PEAK1: variants seen among roughly 807,000 people sequenced by gnomAD.
PEAK1 encodes the protein inactive tyrosine-protein kinase PEAK1.
In PEAK1, 54 loss-of-function variants were observed where a neutral mutation model predicts 124.7. The observed-to-expected ratio is 0.43, with a 90% CI of 0.35 to 0.54. The LOEUF is 0.54. Ranked by LOEUF, PEAK1 falls within the 20% of genes least tolerant of loss-of-function variation. The pLI, the probability that PEAK1 is intolerant of heterozygous loss-of-function variation, is 0.01. For synonymous variants in PEAK1, 719 were observed against 760.0 expected, an observed-to-expected ratio of 0.95 and a Z score of 0.89; for missense variants, 2,046 against 2,134.5, an observed-to-expected ratio of 0.96 and a Z score of 0.82.
In PEAK1 at chr15:77,356,228, A is replaced by G. The variant is rs79578282; in HGVS notation, c.-603+8935T>C. Among the ~76,000 whole-genome samples, 1,115 of 152,310 alleles carry G rather than the reference A, an allele frequency of 7.3e-3. 15 individuals are homozygous for G. The highest frequency in any genetic ancestry group is 0.025 in the African/African-American group (1,059 of 41,564). ...TGCATTCATCAAATCTCACTCAACT[A>G]TATATTTAAGAGCTGAGTATTTTAT... On this transcript the variant is annotated intron_variant, in intron 2 of 9. Transcript: ENST00000682557.
At chr15:77,265,319 AC>A (rs918626396) in intron 5 of PEAK1, among the ~76,000 whole-genome samples, 4 of 152,178 alleles carry the variant, frequency 2.6e-5, no homozygotes, top group Admixed American at 6.5e-5. Flanking sequence ...TGAATAGACA[AC>A]CCACAAAATG....
intron 2 of PEAK1, among the ~76,000 whole-genome samples, chr15:77,360,993 C>T (rs925816152): frequency 3.3e-5 from 5 of 151,854 alleles, no homozygotes; most frequent in Non-Finnish European, 5.9e-5. Flanking sequence ...ACCTGAAAAG[C>T]GCAGGCAACT....
At chr15:77,161,736 G>A (rs1389423960) in intron 7 of PEAK1, among the ~76,000 whole-genome samples, 1 of 152,134 alleles carries the variant, frequency 6.6e-6, no homozygotes, top group Non-Finnish European at 1.5e-5. Flanking sequence ...ACTTTGGGAG[G>A]CCAAGTGGAT....
At chr15:77,167,379 T>C (rs556998485) in intron 7 of PEAK1, among the ~76,000 whole-genome samples, 2 of 152,330 alleles carry the variant, frequency 1.3e-5, no homozygotes, top group East Asian at 3.9e-4. Flanking sequence ...TTCTGGTACA[T>C]ATAAACATAA....
intron 2 of PEAK1, among the ~76,000 whole-genome samples, chr15:77,358,344 T>A (rs962230670): frequency 8.5e-5 from 13 of 152,322 alleles, no homozygotes; most frequent in African/African-American, 3.1e-4. Flanking sequence ...GTCTATACTC[T>A]TTGATAGTCT....
chr15:77,405,574 C>T (rs1027118806), intron 1 of PEAK1, among the ~76,000 whole-genome samples: 16 of 152,108 alleles, frequency 1.1e-4, no homozygotes, highest in Non-Finnish European at 1.9e-4. Context: ...AGAGGGAAAT[C>T]GTTGCATATA....
intron 1 of PEAK1, among the ~76,000 whole-genome samples, chr15:77,415,770 G>A (rs1250272286): frequency 6.6e-6 from 1 of 151,982 alleles, no homozygotes; most frequent in African/African-American, 2.4e-5. Flanking sequence ...CTACGCCCTG[G>A]ATCCCATTCC....
At chr15:77,120,093 T>A (rs2051771152) in intron 9 of PEAK1, among the ~76,000 whole-genome samples, 1 of 152,182 alleles carries the variant, frequency 6.6e-6, no homozygotes, top group Non-Finnish European at 1.5e-5. Context: ...ACTATGGAAT[T>A]AATCTGTCGT....
chr15:77,418,599 T>G, intron 1 of PEAK1: 1 of 984,992 alleles, frequency 1.0e-6, no homozygotes, highest in Non-Finnish European at 1.2e-6. Context: ...ACTAAATAAG[T>G]CACCAAAGAG....
intron 6 of PEAK1, among the ~76,000 whole-genome samples, chr15:77,249,799 C>T (rs969329627): frequency 5.3e-5 from 8 of 152,026 alleles, no homozygotes; most frequent in African/African-American, 1.9e-4. Flanking sequence ...GCTGGAATTA[C>T]AGGTGTGAGC....
chr15:77,113,941 T>G lies in PEAK1; in HGVS notation c.*215A>C, dbSNP rs1470868358. The G allele has an allele frequency of 3.6e-6, 2 of 561,944 alleles. No homozygotes were observed. The highest frequency in any genetic ancestry group is 6.3e-6 in the Non-Finnish European group (2 of 319,916). 34.8% of individuals were successfully genotyped at this position (561,944 alleles called of 1,614,324 possible). A position where few individuals can be genotyped will look rare whatever the true frequency, so the allele number is the denominator to read the frequency against. ...TTTCAAGGGAAGGCAACTGCAAGTT[T>G]GTGCAGCTGAATTTCTGTAAAGTTA... On this transcript the variant is annotated 3_prime_UTR_variant, in exon 10 of 10. Coordinates refer to ENST00000682557, the MANE Select transcript of PEAK1 (RefSeq NM_001385026.1).
chr15:77,282,384 T>G (rs546250265), intron 5 of PEAK1, among the ~76,000 whole-genome samples: 1 of 152,200 alleles, frequency 6.6e-6, no homozygotes, highest in African/African-American at 2.4e-5. Context: ...GCTAACGAAT[T>G]TGTCAACATG....
At chr15:77,418,307 G>A (rs2073055868) in intron 1 of PEAK1, 2 of 985,188 alleles carry the variant, frequency 2.0e-6, no homozygotes, top group Admixed American at 6.2e-5. Context: ...GGAAAAGAAG[G>A]AACATACATT....
chr15:77,284,883 T>G (rs2062840754), intron 4 of PEAK1, 75 bp downstream of exon 4: 1 of 134,944 alleles, frequency 7.4e-6, no homozygotes. Flanking sequence ...CCCCATCTTC[T>G]CTACTAAAAC....
intron 1 of PEAK1, among the ~76,000 whole-genome samples, chr15:77,409,360 G>C (rs11856777): frequency 6.6e-6 from 1 of 152,144 alleles, no homozygotes; most frequent in Non-Finnish European, 1.5e-5. Context: ...CTCTGAGGTT[G>C]ATGCTATCAC....
At chr15:77,358,699 A>G (rs965982391) in intron 2 of PEAK1, among the ~76,000 whole-genome samples, 8 of 152,254 alleles carry the variant, frequency 5.3e-5, no homozygotes, top group Non-Finnish European at 1.0e-4. Flanking sequence ...ATAGTGAAAA[A>G]GTACAAAGTG....
At chr15:77,411,197 C>T (rs1474560578) in intron 1 of PEAK1, among the ~76,000 whole-genome samples, 1 of 150,758 alleles carries the variant, frequency 6.6e-6, no homozygotes, top group South Asian at 2.1e-4. Flanking sequence ...GTAAGGCCAA[C>T]CCTGCTTGAT....
intron 6 of PEAK1, among the ~76,000 whole-genome samples, chr15:77,206,426 A>G (rs1357828694): frequency 6.2e-4 from 91 of 146,006 alleles, no homozygotes; most frequent in Non-Finnish European, 8.1e-4. Context: ...TGGTTGAACT[A>G]GTTTACAGTC....
chr15:77,135,426 G>A (rs1246249566), intron 8 of PEAK1, among the ~76,000 whole-genome samples: 1 of 152,178 alleles, frequency 6.6e-6, no homozygotes, highest in Non-Finnish European at 1.5e-5. Flanking sequence ...AAATCATAGA[G>A]TGTACTTACA....
Sources: gnomAD v4.1 joint callset for allele counts (sites outside exome capture counted in the v4.1 genomes callset) on GRCh38, gnomAD v4.1.1 for gene constraint, MANE v1.5 for transcripts, NCBI Gene and HGNC (gene_info 2026-07-23, HGNC 2026-07-21) for gene names.